The following MYO5B variants were observed in gnomAD, a reference collection of about 807,000 sequenced individuals.
MYO5B encodes unconventional myosin-Vb.
A neutral mutation model predicts 229.3 loss-of-function variants in MYO5B; 143 were observed. That is an observed-to-expected ratio of 0.62 (90% confidence interval 0.54 to 0.72). The LOEUF is 0.72. MYO5B is among the 30% of genes least tolerant of loss of function. The pLI is 0.00. For synonymous variants in MYO5B, 918 were observed against 885.2 expected, an observed-to-expected ratio of 1.04 and a Z score of -0.66; for missense variants, 2,321 against 2,331.0, an observed-to-expected ratio of 1.00 and a Z score of 0.09.
rs1228537228 is a variant in MYO5B, at chr18:50,170,478, C to T, written c.27+24289G>A. Among the ~76,000 whole-genome samples, 8 of 127,102 alleles carry T rather than the reference C, an allele frequency of 6.3e-5. 1 individual carries two copies. Among genetic ancestry groups the T allele is most frequent in the Non-Finnish European group, 1.2e-4 (7 of 59,672 alleles). 83.4% of individuals were successfully genotyped at this position (127,102 alleles called of 152,430 possible). ...TCATGTATAATTTGACTTTAGAAATCATTCTATATTTTATTTTCTAATCAC... is the reference window on the plus strand; with the variant it reads ...TCATGTATAATTTGACTTTAGAAATTATTCTATATTTTATTTTCTAATCAC... On this transcript the variant is annotated intron_variant, in intron 1 of 39. Coordinates refer to ENST00000285039, the MANE Select transcript of MYO5B (RefSeq NM_001080467.3).
intron 14 of MYO5B, among the ~76,000 whole-genome samples, chr18:49,952,503 T>C (rs1233733363): frequency 1.3e-5 from 2 of 152,344 alleles, no homozygotes; most frequent in Non-Finnish European, 2.9e-5. Context: ...TGTCTTCATC[T>C]GCCCACTCAC....
intron 1 of MYO5B, among the ~76,000 whole-genome samples, chr18:50,057,926 G>A (rs1182587838): frequency 6.6e-6 from 1 of 152,058 alleles, no homozygotes; most frequent in East Asian, 1.9e-4. Flanking sequence ...ACTCTCCCCT[G>A]CCTTTGAGAA....
chr18:49,870,781 G>A (rs770942285), intron 27 of MYO5B, among the ~76,000 whole-genome samples: 2 of 151,918 alleles, frequency 1.3e-5, no homozygotes, highest in African/African-American at 4.8e-5. Flanking sequence ...ATAAATAAAA[G>A]AAAAGAAAAT....
intron 22 of MYO5B, among the ~76,000 whole-genome samples, chr18:49,889,818 C>G (rs2024687802): frequency 6.6e-6 from 1 of 152,210 alleles, no homozygotes. Flanking sequence ...TTGCAACAAC[C>G]TATGATCTAA....
At chr18:50,052,583 A>G (rs2030425496) in intron 2 of MYO5B, among the ~76,000 whole-genome samples, 1 of 146,506 alleles carries the variant, frequency 6.8e-6, no homozygotes, top group Admixed American at 6.8e-5. Context: ...GAGGGATAGC[A>G]TTAGGAGATA....
At chr18:50,146,731 T>A (rs1164350661) in intron 1 of MYO5B, among the ~76,000 whole-genome samples, 1 of 152,264 alleles carries the variant, frequency 6.6e-6, no homozygotes, top group Non-Finnish European at 1.5e-5. Context: ...TCTCTTTAGA[T>A]GTTCTTCTCT....
At chr18:49,901,405 G>A (rs1051518603) in intron 21 of MYO5B, among the ~76,000 whole-genome samples, 2 of 152,172 alleles carry the variant, frequency 1.3e-5, no homozygotes, top group Non-Finnish European at 2.9e-5. Flanking sequence ...TACGTTGTAC[G>A]GTACCCAACC....
At chr18:49,902,872 C>T (rs1483237087) in intron 20 of MYO5B, 39 bp from the exon 21 acceptor site, 2 of 1,594,984 alleles carry the variant, frequency 1.3e-6, no homozygotes, top group East Asian at 2.2e-5. Context: ...TGGGTTTGCA[C>T]TGCAGGACAG....
Position 49,839,300 on chromosome 18 carries a change from G to A in MYO5B, c.4702-6C>T. 1.2e-6 allele frequency: 2 copies of A among 1,613,194 alleles called. No individual in the cohort carries two copies. The highest frequency in any genetic ancestry group is 1.7e-6 in the Non-Finnish European group (2 of 1,180,016). The stretch of plus-strand genomic sequence containing the variant: ...GTGTTCTGAGTCATGAAGCCCTGCA[G>A]AGGGAGAGGCGTGCACTACTGAGTT... On this transcript the variant is annotated splice_region_variant and splice_polypyrimidine_tract_variant and intron_variant, in intron 35 of 39. Coordinates refer to ENST00000285039, the MANE Select transcript of MYO5B (RefSeq NM_001080467.3).
intron 14 of MYO5B, among the ~76,000 whole-genome samples, chr18:49,942,967 A>T (rs1013333228): frequency 6.6e-6 from 1 of 152,172 alleles, no homozygotes; most frequent in Non-Finnish European, 1.5e-5. Flanking sequence ...AACCAACCCA[A>T]ATGTTCAACA....
At position 50,154,561 on chromosome 18, in the gene MYO5B, A is replaced by G. The variant is rs575245451; in HGVS notation, c.27+40206T>C. Among the ~76,000 whole-genome samples, 19 of 152,370 alleles carry G rather than the reference A, an allele frequency of 1.2e-4. No individual in the cohort carries two copies. In the South Asian group the frequency reaches 3.7e-3, roughly 30 times the overall value. ...CTCAATTGTGTAATATCCTGCTTCT[A>G]TTCCACAGAAGCACATTCGAGTTCA... On this transcript the variant is annotated intron_variant, in intron 1 of 39. Coordinates refer to ENST00000285039, the MANE Select transcript of MYO5B (RefSeq NM_001080467.3).
At chr18:49,965,481 AC>A (rs1368426969) in intron 10 of MYO5B, among the ~76,000 whole-genome samples, 1 of 151,132 alleles carries the variant, frequency 6.6e-6, no homozygotes, top group African/African-American at 2.4e-5. Context: ...ACACACACAC[AC>A]ACCTCTTCTC....
chr18:50,022,995 A>G (rs1245581283), intron 4 of MYO5B, among the ~76,000 whole-genome samples: 1 of 152,172 alleles, frequency 6.6e-6, no homozygotes, highest in Non-Finnish European at 1.5e-5. Flanking sequence ...TGACAAACCC[A>G]TAGATGGGAC....
intron 31 of MYO5B, among the ~76,000 whole-genome samples, chr18:49,851,558 GCT>G (rs1404102987): frequency 6.6e-6 from 1 of 152,174 alleles, no homozygotes; most frequent in African/African-American, 2.4e-5. Context: ...AATTACAAAA[GCT>G]TACAGAATAA....
At chr18:50,008,939 G>A (rs529711742) in intron 4 of MYO5B, among the ~76,000 whole-genome samples, 2 of 152,264 alleles carry the variant, frequency 1.3e-5, no homozygotes, top group Admixed American at 6.5e-5. Flanking sequence ...GAAGGACTAT[G>A]CTAGAGAATA....
chr18:50,021,769 G>C (rs2026278089), intron 4 of MYO5B, among the ~76,000 whole-genome samples: 1 of 151,270 alleles, frequency 6.6e-6, no homozygotes, highest in Non-Finnish European at 1.5e-5. Flanking sequence ...GCCCTAAGGA[G>C]GAAGCACCAC....
At chr18:50,108,348 C>T (rs1379071653) in intron 1 of MYO5B, among the ~76,000 whole-genome samples, 3 of 152,248 alleles carry the variant, frequency 2.0e-5, no homozygotes, top group Non-Finnish European at 2.9e-5. Context: ...GAGTCTTCTG[C>T]TCTGCATTAA....
chr18:50,049,885 C>T (rs764996092), intron 2 of MYO5B, among the ~76,000 whole-genome samples: 58 of 152,264 alleles, frequency 3.8e-4, no homozygotes, highest in Non-Finnish European at 6.6e-4. Context: ...TGCAGACAGA[C>T]GGTGGTGATG....
intron 21 of MYO5B, among the ~76,000 whole-genome samples, chr18:49,898,260 C>T (rs558674069): frequency 4.6e-5 from 7 of 152,158 alleles, no homozygotes; most frequent in Non-Finnish European, 8.8e-5. Context: ...TTACATATAA[C>T]GAATTTAACA....
Sources: gnomAD v4.1 joint callset for allele counts (sites outside exome capture counted in the v4.1 genomes callset) on GRCh38, gnomAD v4.1.1 for gene constraint, MANE v1.5 for transcripts, NCBI Gene and HGNC (gene_info 2026-07-23, HGNC 2026-07-21) for gene names.